CNTN4: variants seen among roughly 807,000 people sequenced by gnomAD.
CNTN4 encodes the protein contactin-4.
In CNTN4, 77 loss-of-function variants were observed where a neutral mutation model predicts 122.5. The observed-to-expected ratio is 0.63, with a 90% CI of 0.52 to 0.76. The LOEUF (loss-of-function observed/expected upper bound fraction) is 0.76, where lower values mean the gene tolerates loss of function less well. CNTN4 is among the 30% of genes least tolerant of loss of function. The pLI is 0.00. For synonymous variants in CNTN4, 512 were observed against 447.0 expected (o/e 1.15, Z -1.83); for missense variants, 1,256 against 1,259.1 (o/e 1.00, Z 0.04).
At chr3:2,255,923 A>G (rs1265997063) in intron 2 of CNTN4, among the ~76,000 whole-genome samples, 3 of 152,194 alleles carry the variant, frequency 2.0e-5, no homozygotes, top group Non-Finnish European at 4.4e-5. Flanking sequence ...AGCAGAATAC[A>G]AGAAACAACT....
chr3:2,939,134 C>T (rs1375615822), intron 13 of CNTN4, among the ~76,000 whole-genome samples: 1 of 152,168 alleles, frequency 6.6e-6, no homozygotes, highest in Admixed American at 6.5e-5. Flanking sequence ...ATAGAGTTTT[C>T]TCCTCATATT....
intron 3 of CNTN4, among the ~76,000 whole-genome samples, chr3:2,551,881 T>C (rs2078523456): frequency 6.6e-6 from 1 of 152,138 alleles, no homozygotes; most frequent in Non-Finnish European, 1.5e-5. Flanking sequence ...ATTTACAGCC[T>C]AAATATTGCT....
At chr3:2,622,630 C>A (rs758090585) in intron 4 of CNTN4, among the ~76,000 whole-genome samples, 1 of 152,086 alleles carries the variant, frequency 6.6e-6, no homozygotes, top group Non-Finnish European at 1.5e-5. Context: ...AATATGGGGG[C>A]AGTTATGGAG....
rs2034097003 is a variant in CNTN4 at position 2,125,602 on chromosome 3, A to T, written c.-145+24963A>T. Among the ~76,000 whole-genome samples, 3 of 142,696 alleles carry T rather than the reference A, an allele frequency of 2.1e-5. No homozygotes were observed. In the South Asian group the frequency reaches 6.6e-4, roughly 31 times the overall value. The allele number at this position is 142,696 out of a possible 152,430, so 93.6% of individuals were successfully genotyped here. On this transcript the variant is annotated intron_variant, in intron 2 of 24. Transcript: ENST00000418658. Reference sequence around the variant, plus strand: ...TGAGACGAGTCTCACACTGGCACCCAGGCTGGAGTTCAGTGGCACCATCTT... The same window carrying T: ...TGAGACGAGTCTCACACTGGCACCCTGGCTGGAGTTCAGTGGCACCATCTT...
intron 3 of CNTN4, among the ~76,000 whole-genome samples, chr3:2,343,439 T>C (rs1433405253): frequency 6.6e-6 from 1 of 152,176 alleles, no homozygotes; most frequent in African/African-American, 2.4e-5. Flanking sequence ...GGGTGTAACT[T>C]TGTAACTTCA....
intron 2 of CNTN4, among the ~76,000 whole-genome samples, chr3:2,176,104 C>G (rs1222366929): frequency 6.6e-6 from 1 of 152,100 alleles, no homozygotes; most frequent in Non-Finnish European, 1.5e-5. Flanking sequence ...TTGTAGCTTC[C>G]ATGCACAGGT....
At chr3:2,488,429 A>C (rs2076224041) in intron 3 of CNTN4, among the ~76,000 whole-genome samples, 1 of 152,052 alleles carries the variant, frequency 6.6e-6, no homozygotes, top group African/African-American at 2.4e-5. Flanking sequence ...GTGTGTCTAC[A>C]TTGTTCCAGT....
chr3:2,844,498 G>T (rs747483257), intron 7 of CNTN4, among the ~76,000 whole-genome samples: 2 of 152,128 alleles, frequency 1.3e-5, no homozygotes, highest in Non-Finnish European at 2.9e-5. Flanking sequence ...CGGTAAGGAC[G>T]CCTCGATGGA....
intron 3 of CNTN4, among the ~76,000 whole-genome samples, chr3:2,406,909 T>A (rs989826174): frequency 1.3e-5 from 2 of 152,198 alleles, no homozygotes; most frequent in Admixed American, 6.5e-5. Flanking sequence ...CTGTGAATCT[T>A]AAATATGATA....
chr3:2,843,801 G>T (rs745348264), intron 7 of CNTN4, among the ~76,000 whole-genome samples: 8 of 152,078 alleles, frequency 5.3e-5, no homozygotes, highest in Non-Finnish European at 8.8e-5. Context: ...AGCCAATTAA[G>T]CTAATTTTCT....
chr3:2,623,846 C>G (rs896114477), intron 4 of CNTN4, among the ~76,000 whole-genome samples: 2 of 152,074 alleles, frequency 1.3e-5, no homozygotes, highest in African/African-American at 4.8e-5. Context: ...AGAAGCAAAA[C>G]AAGATACAGT....
At chr3:2,526,209 C>T (rs942047933) in intron 3 of CNTN4, among the ~76,000 whole-genome samples, 5 of 152,098 alleles carry the variant, frequency 3.3e-5, no homozygotes, top group Non-Finnish European at 7.4e-5. Flanking sequence ...TCTCCACCTT[C>T]TCATTTCTCT....
intron 6 of CNTN4, among the ~76,000 whole-genome samples, chr3:2,759,290 G>A (rs2090479286): frequency 6.6e-6 from 1 of 151,980 alleles, no homozygotes; most frequent in South Asian, 2.1e-4. Context: ...TGAGTAGCTG[G>A]GATTACAGGT....
intron 10 of CNTN4, among the ~76,000 whole-genome samples, chr3:2,894,435 G>A (rs1041580582): frequency 5.9e-5 from 9 of 152,198 alleles, no homozygotes; most frequent in Non-Finnish European, 1.3e-4. Flanking sequence ...GTGTACCATT[G>A]CTAACTGAGC....
intron 2 of CNTN4, among the ~76,000 whole-genome samples, chr3:2,276,418 C>T (rs983729486): frequency 1.3e-5 from 2 of 152,156 alleles, no homozygotes; most frequent in African/African-American, 4.8e-5. Context: ...AAGTGATCCA[C>T]CTGCCTCTGC....
rs2092815943 is a variant in CNTN4 at position 2,819,517 on chromosome 3, C to T, written c.390C>T (p.Ser130=). 2 of 1,614,072 alleles carry T rather than the reference C, an allele frequency of 1.2e-6. No homozygotes were observed. The highest frequency in any genetic ancestry group is 1.7e-6 in the Non-Finnish European group (2 of 1,179,932). The part of the protein sequence containing the change: ...YLDNFKTRTR[S]TVSVRRGQGM... The stretch of plus-strand genomic sequence containing the variant: ...ACAACTTTAAAACAAGAACAAGAAG[C>T]ACTGTGTCTGTCCGTCGAGGTCAAG... The change falls in exon 7 of 25, where the codon AGC becomes AGT. Residue 130 remains serine, a synonymous_variant. Coordinates refer to ENST00000418658, the MANE Select transcript of CNTN4 (RefSeq NM_175607.3).
chr3:2,725,565 T>A (rs997694582), intron 4 of CNTN4, among the ~76,000 whole-genome samples: 1 of 152,142 alleles, frequency 6.6e-6, no homozygotes, highest in East Asian at 1.9e-4. Context: ...TTATATATAT[T>A]TTTTTACAAC....
chr3:2,294,885 T>C (rs1349930760), intron 2 of CNTN4, among the ~76,000 whole-genome samples: 1 of 151,922 alleles, frequency 6.6e-6, no homozygotes, highest in African/African-American at 2.4e-5. Flanking sequence ...TGTCCACGTG[T>C]TCTCATTGTT....
chr3:2,203,565 A>G (rs2038203309), intron 2 of CNTN4, among the ~76,000 whole-genome samples: 1 of 152,144 alleles, frequency 6.6e-6, no homozygotes, highest in Non-Finnish European at 1.5e-5. Flanking sequence ...ATGGGCCATG[A>G]GAAAGGCTCT....
Sources: allele counts gnomAD v4.1 joint callset (sites outside exome capture counted in the v4.1 genomes callset), GRCh38; gene constraint gnomAD v4.1.1; transcripts MANE v1.5; gene names NCBI Gene and HGNC (gene_info 2026-07-23, HGNC 2026-07-21).